The following DENND1A variants were observed in gnomAD, a reference collection of about 807,000 sequenced individuals.
DENND1A encodes DENN domain containing 1A.
DENND1A carries 51 observed loss-of-function variants against 113.7 expected under a neutral mutation model. The ratio of observed to expected loss-of-function variants is 0.45; its 90% CI spans 0.36 to 0.57. DENND1A has a LOEUF of 0.57. Ranked by LOEUF, DENND1A falls within the 20% of genes least tolerant of loss-of-function variation. DENND1A has a pLI of 0.00. For missense variants in DENND1A, 1,258 were observed against 1,395.9 expected (o/e 0.90, Z 1.57); for synonymous variants, 565 against 570.8 (o/e 0.99, Z 0.14).
intron 11 of DENND1A, among the ~76,000 whole-genome samples, chr9:123,586,136 C>T (rs1170248273): frequency 6.6e-6 from 1 of 152,036 alleles, no homozygotes; most frequent in Non-Finnish European, 1.5e-5. Context: ...CAGGACACAA[C>T]AGAGGACCGT....
chr9:123,382,629 T>G lies in DENND1A; in HGVS notation c.2020-4A>C. 6.2e-7 allele frequency: 1 copy of G among 1,613,690 alleles called. No individual in the cohort carries two copies. Among genetic ancestry groups the G allele is most frequent in the Non-Finnish European group, 8.5e-7 (1 of 1,179,858 alleles). On this transcript the variant is annotated splice_polypyrimidine_tract_variant and splice_region_variant and intron_variant, in intron 23 of 23. Coordinates refer to ENST00000394215, the MANE Select transcript of DENND1A (RefSeq NM_001352964.2). Reference sequence around the variant, plus strand: ...CACTCCCGCCCAGATCCAGCCTCTGTTGGGAGGGAAGGAGGGCGGCAGTGA... The same window carrying G: ...CACTCCCGCCCAGATCCAGCCTCTGGTGGGAGGGAAGGAGGGCGGCAGTGA...
chr9:123,413,198 A>T (rs2044450528), intron 19 of DENND1A: 1 of 185,934 alleles, frequency 5.4e-6, no homozygotes, highest in Admixed American at 6.5e-5. Context: ...AAACCAAAAA[A>T]CACGTGCTAT....
chr9:123,876,592 G>A (rs1847503740), intron 2 of DENND1A, among the ~76,000 whole-genome samples: 1 of 152,118 alleles, frequency 6.6e-6, no homozygotes, highest in Admixed American at 6.5e-5. Context: ...ATGTATTGGG[G>A]GGGTGATAAA....
At chr9:123,928,989 A>T in intron 1 of DENND1A, 2 of 818,640 alleles carry the variant, frequency 2.4e-6, no homozygotes, top group Non-Finnish European at 2.9e-6. Flanking sequence ...TTAGAGATAA[A>T]ACATCTCCAG....
At chr9:123,685,325 T>C (rs2064741954) in intron 5 of DENND1A, among the ~76,000 whole-genome samples, 1 of 152,234 alleles carries the variant, frequency 6.6e-6, no homozygotes, top group Admixed American at 6.5e-5. Flanking sequence ...GCTGCTAATC[T>C]CAAACTGTAA....
chr9:123,395,824 C>T (rs2043100004), intron 21 of DENND1A, among the ~76,000 whole-genome samples: 1 of 152,172 alleles, frequency 6.6e-6, no homozygotes, highest in African/African-American at 2.4e-5. Context: ...CCCTACCCCG[C>T]CTCCCAGGTG....
chr9:123,597,861 A>C (rs1400268280), intron 11 of DENND1A, among the ~76,000 whole-genome samples: 1 of 152,188 alleles, frequency 6.6e-6, no homozygotes. Flanking sequence ...AATGCTACTC[A>C]GATCATTCCA....
chr9:123,884,835 A>G (rs1848784510), intron 1 of DENND1A, among the ~76,000 whole-genome samples: 1 of 152,130 alleles, frequency 6.6e-6, no homozygotes, highest in Non-Finnish European at 1.5e-5. Flanking sequence ...ACTAACTCCA[A>G]AGACAATAAC....
At chr9:123,903,753 G>C (rs188799037) in intron 1 of DENND1A, among the ~76,000 whole-genome samples, 1 of 152,346 alleles carries the variant, frequency 6.6e-6, no homozygotes, top group Admixed American at 6.5e-5. Context: ...TGCTAGCACA[G>C]CAGTCTGAGA....
chr9:123,681,392 GGCA>G (rs768572171), intron 5 of DENND1A, among the ~76,000 whole-genome samples: 27 of 152,054 alleles, frequency 1.8e-4, no homozygotes, highest in Non-Finnish European at 3.5e-4. Context: ...GATAGGAAGG[GGCA>G]GCAGCAGCTC....
intron 19 of DENND1A, among the ~76,000 whole-genome samples, chr9:123,423,646 G>T (rs186443677): frequency 9.2e-5 from 14 of 152,312 alleles, no homozygotes; most frequent in Non-Finnish European, 1.5e-4. Flanking sequence ...TAAACTAGGT[G>T]CTTTGGTTAT....
intron 19 of DENND1A, chr9:123,414,413 TCTTGGCA>T: frequency 6.9e-7 from 1 of 1,448,594 alleles, no homozygotes; most frequent in Non-Finnish European, 9.1e-7. Context: ...GTCCACCCAG[TCTTGGCA>T]CTTGGCAGAT....
intron 9 of DENND1A, among the ~76,000 whole-genome samples, chr9:123,637,910 A>AACAC (rs10539797): frequency 2.3e-4 from 33 of 146,126 alleles, no homozygotes; most frequent in Middle Eastern, 3.5e-3. Flanking sequence ...GGAAGGAATA[A>AACAC]ACACACACAC....
chr9:123,826,388 C>T (rs370384453), intron 2 of DENND1A, among the ~76,000 whole-genome samples: 41 of 151,996 alleles, frequency 2.7e-4, no homozygotes, highest in African/African-American at 8.9e-4. Flanking sequence ...AATGACAGAG[C>T]GAGACCCTGT....
In DENND1A at chr9:123,715,561, A is replaced by G. The variant is rs576563508; in HGVS notation, c.303-38772T>C. Among the ~76,000 whole-genome samples, 44 of 152,368 alleles carry G rather than the reference A, an allele frequency of 2.9e-4. No individual in the cohort carries two copies. In the South Asian group the frequency reaches 8.7e-3, roughly 30 times the overall value. ...AGCAAACTACCTAGAGCTAGTTTGC[A>G]GCTGTTAAGCAGCAACTAAACTAAA... On this transcript the variant is annotated intron_variant, in intron 5 of 23. Transcript: ENST00000394215.
intron 8 of DENND1A, among the ~76,000 whole-genome samples, chr9:123,652,878 G>C (rs146591234): frequency 2.7e-3 from 409 of 152,190 alleles, no homozygotes; most frequent in Middle Eastern, 0.01. Context: ...TAGTACTATA[G>C]ATTGGTACTC....
intron 21 of DENND1A, among the ~76,000 whole-genome samples, chr9:123,393,700 G>A (rs1239667916): frequency 6.6e-6 from 1 of 152,242 alleles, no homozygotes; most frequent in Non-Finnish European, 1.5e-5. Flanking sequence ...AAGCAATGGA[G>A]ACAGAGGAAG....
At chr9:123,513,973 A>C (rs1194714909) in intron 13 of DENND1A, among the ~76,000 whole-genome samples, 3 of 152,128 alleles carry the variant, frequency 2.0e-5, no homozygotes, top group Non-Finnish European at 4.4e-5. Flanking sequence ...ACCAGATTAG[A>C]ACATGAGGGA....
At chr9:123,747,780 T>C (rs1425992986) in intron 5 of DENND1A, among the ~76,000 whole-genome samples, 1 of 152,206 alleles carries the variant, frequency 6.6e-6, no homozygotes, top group Non-Finnish European at 1.5e-5. Context: ...CTCATGCTAA[T>C]AAAATTACTT....
Sources: allele counts gnomAD v4.1 joint callset (sites outside exome capture counted in the v4.1 genomes callset), GRCh38; gene constraint gnomAD v4.1.1; transcripts MANE v1.5; gene names NCBI Gene and HGNC (gene_info 2026-07-23, HGNC 2026-07-21).